MYBL1: variants seen among roughly 807,000 people sequenced by gnomAD.
MYBL1 encodes myb-related protein A.
A neutral mutation model predicts 96.3 loss-of-function variants in MYBL1; 17 were observed. The observed-to-expected ratio is 0.18, with a 90% CI of 0.12 to 0.26. The LOEUF (loss-of-function observed/expected upper bound fraction) is 0.26. Among genes scored for constraint, MYBL1 ranks in the 10% least tolerant of loss-of-function variants. The pLI is 1.00. For synonymous variants in MYBL1, 282 were observed against 292.7 expected (o/e 0.96, Z 0.37); for missense variants, 701 against 882.9 (o/e 0.79, Z 2.61).
chr8:66,602,676 TCAGA>T (rs1810124506), intron 1 of MYBL1, among the ~76,000 whole-genome samples, 153 bp from the exon 2 acceptor site: 1 of 118,442 alleles, frequency 8.4e-6, no homozygotes. Context: ...AAATTAAGAG[TCAGA>T]CAGCGGGGTG....
At chr8:66,568,005 C>G (rs372328868) in intron 12 of MYBL1, among the ~76,000 whole-genome samples, 6 of 150,634 alleles carry the variant, frequency 4.0e-5, no homozygotes, top group African/African-American at 1.2e-4. Flanking sequence ...CGAAATCACG[C>G]CACTGGACTC....
In MYBL1 at chr8:66,573,494, A is replaced by G; in HGVS notation, c.1483T>C (p.Cys495Arg). ...ATATTAAGTTGTTCATTACCAGGAC[A>G]TGTGTTGAAAAACTAGAAAGGGAAG... ...PFSPSQFFNTCPGNEQLNIEN... is the reference protein window; with the variant it reads ...PFSPSQFFNTRPGNEQLNIEN... The change falls in exon 11 of 16, where the codon TGT becomes CGT. Residue 495 changes from cysteine (C) to arginine (R), a missense_variant. By Grantham distance (180) the Cys-to-Arg change is radical. Coordinates refer to ENST00000522677, the MANE Select transcript of MYBL1 (RefSeq NM_001080416.4). 1.9e-6 allele frequency: 3 copies of G among 1,602,432 alleles called. No individual in the cohort carries two copies. The highest frequency in any genetic ancestry group is 2.6e-6 in the Non-Finnish European group (3 of 1,176,082).
intron 8 of MYBL1, among the ~76,000 whole-genome samples, chr8:66,581,455 T>C (rs535634952): frequency 4.7e-4 from 72 of 152,134 alleles, no homozygotes; most frequent in Non-Finnish European, 6.9e-4. Flanking sequence ...GGCAGGCAGA[T>C]TGCTTGAGCC....
intron 9 of MYBL1, among the ~76,000 whole-genome samples, chr8:66,579,589 A>G (rs1029833839): frequency 6.6e-6 from 1 of 151,966 alleles, no homozygotes; most frequent in African/African-American, 2.4e-5. Flanking sequence ...CCCAGGAGGC[A>G]CAGGTTGCAG....
chr8:66,566,778 G>C lies in MYBL1; in HGVS notation c.1856C>G (p.Ser619Cys), dbSNP rs759110581. Reference sequence around the variant, plus strand: ...TAGTGATTTTCTGACTTTCTTCCCAGAAGCGGTATTCTAGAATGAGTAATT... The same window carrying C: ...TAGTGATTTTCTGACTTTCTTCCCACAAGCGGTATTCTAGAATGAGTAATT... ...YKSCKQENTA[S>C]GKKVRKSLVL... The change falls in exon 14 of 16, where the codon TCT becomes TGT. Residue 619 changes from serine (S) to cysteine (C), a missense_variant. By Grantham distance (112) the Ser-to-Cys change is moderately radical. Around this residue, in one of 5 missense-constraint regions of MYBL1, gnomAD observed 63 missense variants for 109.2 expected, o/e 0.58. Transcript: ENST00000522677. 64 of 1,608,814 alleles carry C rather than the reference G, an allele frequency of 4.0e-5. No individual in the cohort carries two copies. The highest frequency in any genetic ancestry group is 4.8e-5 in the Non-Finnish European group (57 of 1,176,292).
intron 6 of MYBL1, 148 bp downstream of exon 6, chr8:66,595,435 T>C (rs1809811018): frequency 4.8e-6 from 2 of 419,864 alleles, no homozygotes; most frequent in Admixed American, 8.7e-5. Context: ...GTTCTCAAAA[T>C]ATTTATAAAT....
intron 6 of MYBL1, 107 bp from the exon 7 acceptor site, chr8:66,593,301 G>A: frequency 1.6e-6 from 1 of 609,768 alleles, no homozygotes; most frequent in East Asian, 3.0e-5. Flanking sequence ...AAAAAACTTA[G>A]AAAGTACCTG....
intron 10 of MYBL1, 36 bp downstream of exon 10, chr8:66,575,971 G>C (rs745577087): frequency 6.4e-7 from 1 of 1,571,142 alleles, no homozygotes; most frequent in Non-Finnish European, 8.6e-7. Flanking sequence ...GTAACTCATT[G>C]ACATTTAGAA....
intron 5 of MYBL1, 77 bp downstream of exon 5, chr8:66,597,253 T>C (rs1395436243): frequency 9.6e-7 from 1 of 1,045,306 alleles, no homozygotes; most frequent in African/African-American, 1.6e-5. Flanking sequence ...CATCGGGGAC[T>C]TGCAAATGTA....
At chr8:66,576,624 AATG>A (rs951780702) in intron 9 of MYBL1, among the ~76,000 whole-genome samples, 3 of 152,214 alleles carry the variant, frequency 2.0e-5, no homozygotes, top group Non-Finnish European at 4.4e-5. Flanking sequence ...TTTAAGAACA[AATG>A]ATAAGTTATT....
At chr8:66,598,860 T>G (rs1809955454) in intron 4 of MYBL1, among the ~76,000 whole-genome samples, 190 bp downstream of exon 4, 1 of 152,216 alleles carries the variant, frequency 6.6e-6, no homozygotes, top group Non-Finnish European at 1.5e-5. Context: ...TATGTTATAC[T>G]TGGTTTGACT....
At chr8:66,606,481 C>A (rs952626451) in intron 1 of MYBL1, among the ~76,000 whole-genome samples, 1 of 152,062 alleles carries the variant, frequency 6.6e-6, no homozygotes, top group South Asian at 2.1e-4. Flanking sequence ...TATAGTTAAG[C>A]GCATGCAAGT....
intron 1 of MYBL1, among the ~76,000 whole-genome samples, chr8:66,606,386 T>C (rs994478621): frequency 1.3e-5 from 2 of 152,260 alleles, no homozygotes; most frequent in African/African-American, 4.8e-5. Flanking sequence ...AAAATTATTT[T>C]TGCCTTACTA....
intron 8 of MYBL1, among the ~76,000 whole-genome samples, chr8:66,585,227 T>C (rs1168150129): frequency 1.3e-5 from 2 of 152,064 alleles, no homozygotes; most frequent in Non-Finnish European, 2.9e-5. Flanking sequence ...ATCCACGCAT[T>C]TACAGACTCT....
intron 1 of MYBL1, among the ~76,000 whole-genome samples, chr8:66,603,930 G>A (rs2130033329): frequency 6.6e-6 from 1 of 151,046 alleles, no homozygotes; most frequent in South Asian, 2.1e-4. Context: ...TAGACTTTGG[G>A]AGGCAACTAG....
chr8:66,606,863 T>C (rs1347855019), intron 1 of MYBL1, among the ~76,000 whole-genome samples: 1 of 152,018 alleles, frequency 6.6e-6, no homozygotes, highest in African/African-American at 2.4e-5. Flanking sequence ...CAATCTCGGC[T>C]CACTGCAACC....
chr8:66,576,927 G>A (rs1424416989), intron 9 of MYBL1, among the ~76,000 whole-genome samples: 1 of 152,058 alleles, frequency 6.6e-6, no homozygotes, highest in Non-Finnish European at 1.5e-5. Context: ...TTCAATATAC[G>A]CAAATCAATA....
chr8:66,577,744 G>A (rs1410497618), intron 9 of MYBL1, among the ~76,000 whole-genome samples: 1 of 151,974 alleles, frequency 6.6e-6, no homozygotes, highest in Non-Finnish European at 1.5e-5. Flanking sequence ...AGTTCATATG[G>A]AACCAAAAAA....
chr8:66,597,267 A>T, intron 5 of MYBL1, 63 bp downstream of exon 5: 1 of 1,169,304 alleles, frequency 8.6e-7, no homozygotes, highest in East Asian at 2.6e-5. Context: ...AAATGTATTT[A>T]ACAGTAAGGT....
Sources: gnomAD v4.1 joint callset for allele counts (sites outside exome capture counted in the v4.1 genomes callset) on GRCh38, gnomAD v4.1.1 for gene constraint, gnomAD v4.1.1 regional missense constraint, MANE v1.5 for transcripts, NCBI Gene and HGNC (gene_info 2026-07-23, HGNC 2026-07-21) for gene names.